The following LMNTD1 variants were observed in gnomAD, a reference collection of about 807,000 sequenced individuals.
LMNTD1 encodes the protein lamin tail domain containing 1, also known as lamin tail domain-containing protein 1.
LMNTD1 carries 35 observed loss-of-function variants against 50.9 expected under a neutral mutation model. The ratio of observed to expected loss-of-function variants is 0.69; its 90% CI spans 0.53 to 0.91. The LOEUF is 0.91. LMNTD1 is among the 40% of genes least tolerant of loss of function. The pLI is 0.00. For missense variants in LMNTD1, 470 were observed against 475.5 expected (o/e 0.99, Z 0.11); for synonymous variants, 153 against 161.9 (o/e 0.94, Z 0.42).
In LMNTD1 at chr12:25,546,460, C is replaced by T. The variant is rs767736035; in HGVS notation, c.405G>A (p.Lys135=). Residue 135 remains lysine (K), a synonymous_variant, in exon 4 of 10, where the codon AAG becomes AAA. Coordinates refer to ENST00000458174, the MANE Select transcript of LMNTD1 (RefSeq NM_001145728.2). ...DYFLSLFGDS[K]KLTAHSNYTQ... Reference sequence around the variant, plus strand: ...TGTAGTTTGAGTGTGCTGTAAGTTTCTTTGAATCACCAAACAAAGAAAGGA... The same window carrying T: ...TGTAGTTTGAGTGTGCTGTAAGTTTTTTTGAATCACCAAACAAAGAAAGGA... 1.2e-6 allele frequency: 2 copies of T among 1,601,292 alleles called. No homozygotes were observed. The highest frequency in any genetic ancestry group is 1.7e-5 in the Admixed American group (1 of 58,910).
chr12:25,606,452 G>C (rs964255492), intron 1 of LMNTD1, among the ~76,000 whole-genome samples: 5 of 152,170 alleles, frequency 3.3e-5, no homozygotes, highest in Admixed American at 3.3e-4. Context: ...CATTCAGTAT[G>C]ATATTGGCTG....
intron 1 of LMNTD1, among the ~76,000 whole-genome samples, chr12:25,642,706 A>G (rs1029026614): frequency 3.3e-5 from 5 of 152,222 alleles, no homozygotes; most frequent in African/African-American, 1.2e-4. Flanking sequence ...AAATCTTTTA[A>G]TCTCTTTTAA....
intron 1 of LMNTD1, among the ~76,000 whole-genome samples, chr12:25,590,393 C>A (rs570921096): frequency 1.3e-5 from 2 of 152,284 alleles, no homozygotes; most frequent in Admixed American, 1.3e-4. Flanking sequence ...CTCAGCAGTC[C>A]GAACTTGAGT....
chr12:25,545,446 T>C (rs974746595), intron 4 of LMNTD1, among the ~76,000 whole-genome samples: 2 of 151,622 alleles, frequency 1.3e-5, no homozygotes, highest in Non-Finnish European at 3.0e-5. Flanking sequence ...ATCCTCATAT[T>C]TGAGTTCTGA....
At chr12:25,639,483 T>A (rs992471771) in intron 1 of LMNTD1, among the ~76,000 whole-genome samples, 5 of 152,090 alleles carry the variant, frequency 3.3e-5, no homozygotes, top group African/African-American at 1.2e-4. Context: ...AACAATGCAA[T>A]TTAAAAATGG....
chr12:25,563,455 C>G (rs1474813091), intron 1 of LMNTD1, among the ~76,000 whole-genome samples: 5 of 152,218 alleles, frequency 3.3e-5, no homozygotes, highest in Non-Finnish European at 5.9e-5. Flanking sequence ...GGCTGCAGAA[C>G]AGCAAATATT....
Position 25,513,199 on chromosome 12 carries a change from C to T in LMNTD1, c.1189+5596G>A, listed in dbSNP as rs186741676. 1.1e-3 allele frequency among the ~76,000 whole-genome samples: 167 copies of T among 152,218 alleles called. 1 individual carries two copies. The highest frequency in any genetic ancestry group is 5.0e-3 in the South Asian group (24 of 4,822). ...GCACATCTTCCACTAAGATGCATCC[C>T]GATTAAAAATATGAATAAGACAAAG... is the stretch of plus-strand genomic sequence containing the variant. On this transcript the variant is annotated intron_variant, in intron 8 of 9. Transcript: ENST00000458174.
At chr12:25,516,085 T>C (rs67068739) in intron 8 of LMNTD1, among the ~76,000 whole-genome samples, 14,836 of 152,152 alleles carry the variant, frequency 0.098, 1,169 homozygotes, top group African/African-American at 0.21. Flanking sequence ...GGAGATGAAC[T>C]GGTAATTCAG....
chr12:25,629,055 G>A (rs1033482471), intron 1 of LMNTD1, among the ~76,000 whole-genome samples: 1 of 152,008 alleles, frequency 6.6e-6, no homozygotes, highest in East Asian at 1.9e-4. Flanking sequence ...AAAGTGTCTG[G>A]AAGGTATCCT....
intron 1 of LMNTD1, among the ~76,000 whole-genome samples, chr12:25,561,344 C>A (rs887748854): frequency 2.0e-4 from 31 of 152,288 alleles, no homozygotes; most frequent in African/African-American, 7.5e-4. Flanking sequence ...TTCATTGTGT[C>A]TTTGTTCTCC....
intron 1 of LMNTD1, among the ~76,000 whole-genome samples, chr12:25,560,767 C>T (rs1041894190): frequency 6.6e-6 from 1 of 152,094 alleles, no homozygotes; most frequent in African/African-American, 2.4e-5. Context: ...AAGTTGGATT[C>T]CTAGATATTT....
chr12:25,602,318 GA>G (rs959590454), intron 1 of LMNTD1, among the ~76,000 whole-genome samples: 55 of 151,564 alleles, frequency 3.6e-4, no homozygotes, highest in African/African-American at 1.3e-3. Context: ...AAGAAAGAAA[GA>G]AAAAAAACCT....
intron 1 of LMNTD1, among the ~76,000 whole-genome samples, chr12:25,642,368 C>T (rs994481645): frequency 6.6e-6 from 1 of 152,118 alleles, no homozygotes; most frequent in Non-Finnish European, 1.5e-5. Context: ...GGTGAGAAAA[C>T]TGGGGCTCTC....
chr12:25,489,448 C>T (rs890719330), intron 9 of LMNTD1, among the ~76,000 whole-genome samples: 2 of 150,112 alleles, frequency 1.3e-5, no homozygotes, highest in South Asian at 2.1e-4. Context: ...TGACCCCTTG[C>T]GCTTCCCAGG....
chr12:25,584,047 G>A (rs142303137), intron 1 of LMNTD1, among the ~76,000 whole-genome samples: 1 of 152,304 alleles, frequency 6.6e-6, no homozygotes, highest in Non-Finnish European at 1.5e-5. Context: ...GAGGTGATGA[G>A]ATGTGTTCGG....
intron 4 of LMNTD1, among the ~76,000 whole-genome samples, chr12:25,537,760 T>C (rs1422595321): frequency 3.3e-5 from 5 of 152,102 alleles, no homozygotes; most frequent in Middle Eastern, 3.4e-3. Flanking sequence ...AGGCTTCAGA[T>C]GATCAAATTA....
intron 9 of LMNTD1, among the ~76,000 whole-genome samples, chr12:25,484,446 C>A (rs191430452): frequency 6.6e-6 from 1 of 151,832 alleles, no homozygotes; most frequent in Non-Finnish European, 1.5e-5. Flanking sequence ...TTAAATACCC[C>A]CTAGGTGAAT....
intron 8 of LMNTD1, among the ~76,000 whole-genome samples, chr12:25,506,318 T>A (rs1032162934): frequency 6.6e-6 from 1 of 152,228 alleles, no homozygotes; most frequent in African/African-American, 2.4e-5. Context: ...AACATTTACA[T>A]AGAAGACAGT....
intron 1 of LMNTD1, among the ~76,000 whole-genome samples, chr12:25,563,078 C>G (rs899868999): frequency 2.0e-5 from 3 of 152,136 alleles, no homozygotes; most frequent in East Asian, 3.8e-4. Flanking sequence ...GTGATGGGTT[C>G]GAACATCCTC....
Sources: gnomAD v4.1 joint callset for allele counts (sites outside exome capture counted in the v4.1 genomes callset) on GRCh38, gnomAD v4.1.1 for gene constraint, MANE v1.5 for transcripts, NCBI Gene and HGNC (gene_info 2026-07-23, HGNC 2026-07-21) for gene names.